The following GNA12 variants were observed in gnomAD, a reference collection of about 807,000 sequenced individuals.
GNA12 encodes G protein subunit alpha 12.
GNA12 carries 9 observed loss-of-function variants against 26.0 expected under a neutral mutation model. The observed-to-expected ratio is 0.35, with a 90% confidence interval of 0.21 to 0.60. The LOEUF (loss-of-function observed/expected upper bound fraction) is 0.60, where lower values mean the gene tolerates loss of function less well. GNA12 is among the 20% of genes least tolerant of loss of function. The pLI is 0.78. For missense variants in GNA12, 405 were observed against 525.8 expected, an observed-to-expected ratio of 0.77 and a Z score of 2.25; for synonymous variants, 264 against 219.6, an observed-to-expected ratio of 1.20 and a Z score of -1.79.
chr7:2,833,028 TCA>T (rs1421881803), intron 1 of GNA12, among the ~76,000 whole-genome samples: 4 of 152,212 alleles, frequency 2.6e-5, no homozygotes, highest in Admixed American at 1.3e-4. Flanking sequence ...GCATTTATCC[TCA>T]CAGAGAGAAA....
At chr7:2,788,256 C>T (rs749061054) in intron 2 of GNA12, among the ~76,000 whole-genome samples, 4 of 152,232 alleles carry the variant, frequency 2.6e-5, no homozygotes, top group East Asian at 1.9e-4. Context: ...GGCTGCTCAA[C>T]AGCTCCTCCC....
At chr7:2,806,664 T>C (rs189239639) in intron 1 of GNA12, among the ~76,000 whole-genome samples, 1 of 152,308 alleles carries the variant, frequency 6.6e-6, no homozygotes, top group East Asian at 1.9e-4. Context: ...GAACATTTTG[T>C]AACACTTTAA....
intron 1 of GNA12, among the ~76,000 whole-genome samples, chr7:2,818,735 C>T (rs1189683740): frequency 2.1e-5 from 3 of 142,746 alleles, no homozygotes; most frequent in East Asian, 2.0e-4. Flanking sequence ...TACACTCCAG[C>T]GTGGGTGACA....
chr7:2,793,621 A>G (rs140875216), intron 2 of GNA12, among the ~76,000 whole-genome samples: 2,947 of 152,162 alleles, frequency 0.019, 52 homozygotes, highest in Middle Eastern at 0.075. Flanking sequence ...GGTGGCTCAC[A>G]CCTGAAATCC....
chr7:2,736,254 C>T (rs1490433970), intron 2 of GNA12, among the ~76,000 whole-genome samples: 2 of 152,202 alleles, frequency 1.3e-5, no homozygotes, highest in East Asian at 1.9e-4. Flanking sequence ...CCAGAGTCCT[C>T]TCAACGGCTG....
At chr7:2,805,471 A>T (rs891059175) in intron 1 of GNA12, among the ~76,000 whole-genome samples, 2 of 152,168 alleles carry the variant, frequency 1.3e-5, no homozygotes, top group Non-Finnish European at 2.9e-5. Flanking sequence ...TGGCGCAATC[A>T]AAGCTCACTG....
intron 2 of GNA12, among the ~76,000 whole-genome samples, chr7:2,785,459 G>C (rs1031519388): frequency 8.5e-5 from 13 of 152,186 alleles, no homozygotes; most frequent in African/African-American, 3.1e-4. Context: ...AGTTAATTTA[G>C]CGTGAAAGGT....
intron 2 of GNA12, among the ~76,000 whole-genome samples, chr7:2,761,469 A>C (rs1791552338): frequency 6.6e-6 from 1 of 152,234 alleles, no homozygotes; most frequent in African/African-American, 2.4e-5. Flanking sequence ...CAAATAAAGA[A>C]GAAAACCAGA....
chr7:2,785,213 G>T (rs1048397664), intron 2 of GNA12, among the ~76,000 whole-genome samples: 1 of 152,194 alleles, frequency 6.6e-6, no homozygotes, highest in African/African-American at 2.4e-5. Context: ...CAGAGGAAAA[G>T]CAAGTGTCCC....
At position 2,768,676 on chromosome 7, in the gene GNA12, ACAAAAC is replaced by A. The variant is rs1263587631; in HGVS notation, c.525+26246_525+26251del. 2.7e-4 allele frequency among the ~76,000 whole-genome samples: 22 copies of A among 82,510 alleles called. 2 individuals carry two copies. Among genetic ancestry groups the A allele is most frequent in the African/African-American group, 6.7e-4 (20 of 29,678 alleles). 54.1% of individuals were successfully genotyped at this position (82,510 alleles called of 152,430 possible). A position where few individuals can be genotyped will look rare whatever the true frequency, so the allele number is the denominator to read the frequency against. Reference sequence around the variant, plus strand: ...AATATGCTCTCAAGGTAAAAAAAAAACAAAACAAAACAAAAAAAAAAACAGTAAACC... The same window carrying A: ...AATATGCTCTCAAGGTAAAAAAAAAAAAAACAAAAAAAAAAACAGTAAACC... On this transcript the variant is annotated intron_variant, in intron 2 of 3. Coordinates refer to ENST00000275364, the MANE Select transcript of GNA12 (RefSeq NM_007353.3).
intron 1 of GNA12, chr7:2,835,774 G>T: frequency 1.4e-6 from 1 of 740,254 alleles, no homozygotes. Flanking sequence ...AAACGTAGAA[G>T]ATGCTCGTGA....
rs992363540 is a variant in GNA12, at chr7:2,731,896, T to C, written c.577-146A>G. ...AGAAACCAAAAGCAAATTTCATTTA[T>C]AACATTATCAACTGGCCGTGAAACA... On this transcript the variant is annotated intron_variant, in intron 3 of 3. Coordinates refer to ENST00000275364, the MANE Select transcript of GNA12 (RefSeq NM_007353.3). This position sits in a 1 kb window ranked among gnomAD's most constrained non-coding sequence, Gnocchi z 6.0. 3 of 523,786 alleles carry C rather than the reference T, an allele frequency of 5.7e-6. No individual in the cohort carries two copies. Among genetic ancestry groups the C allele is most frequent in the Admixed American group, 3.3e-5 (1 of 29,984 alleles). 32.4% of individuals were successfully genotyped at this position (523,786 alleles called of 1,614,324 possible).
At chr7:2,812,151 G>C (rs1224036783) in intron 1 of GNA12, among the ~76,000 whole-genome samples, 2 of 152,250 alleles carry the variant, frequency 1.3e-5, no homozygotes, top group Non-Finnish European at 2.9e-5. Flanking sequence ...GTAAGTCCCT[G>C]TGTTACTAAT....
rs11389467 is a variant in GNA12, at chr7:2,737,289, GT to G, written c.526-3789del. Among the ~76,000 whole-genome samples, 8 of 62,274 alleles carry G rather than the reference GT, an allele frequency of 1.3e-4. No homozygotes were observed. In the Admixed American group the frequency reaches 1.3e-3, roughly 10 times the overall value. The allele number at this position is 62,274 out of a possible 152,430, so 40.9% of individuals were successfully genotyped here. A position where few individuals can be genotyped will look rare whatever the true frequency, so the allele number is the denominator to read the frequency against. On this transcript the variant is annotated intron_variant, in intron 2 of 3. Coordinates refer to ENST00000275364, the MANE Select transcript of GNA12 (RefSeq NM_007353.3). ...GTTTTGTTTTGTTTTTTTTTTTTTTGTTTTTTTTTTTTTTTTTGAGATGGAG... is the reference window on the plus strand; with the variant it reads ...GTTTTGTTTTGTTTTTTTTTTTTTTGTTTTTTTTTTTTTTTTGAGATGGAG...
At chr7:2,819,083 C>T (rs1793288884) in intron 1 of GNA12, among the ~76,000 whole-genome samples, 1 of 152,106 alleles carries the variant, frequency 6.6e-6, no homozygotes, top group Non-Finnish European at 1.5e-5. Flanking sequence ...GTCACCAGTC[C>T]TTACAAGCAG....
intron 2 of GNA12, among the ~76,000 whole-genome samples, chr7:2,737,977 G>A (rs1407885792): frequency 6.6e-6 from 1 of 152,170 alleles, no homozygotes; most frequent in Non-Finnish European, 1.5e-5. Context: ...ACATCTCACA[G>A]GGCTGGCGTG....
At chr7:2,788,048 G>T (rs1202371377) in intron 2 of GNA12, among the ~76,000 whole-genome samples, 1 of 152,072 alleles carries the variant, frequency 6.6e-6, no homozygotes, top group South Asian at 2.1e-4. Context: ...CCAGCTGCTC[G>T]TGGGAGGCTG....
At chr7:2,807,176 T>C (rs1792969868) in intron 1 of GNA12, among the ~76,000 whole-genome samples, 1 of 152,166 alleles carries the variant, frequency 6.6e-6, no homozygotes, top group African/African-American at 2.4e-5. Context: ...ATGAGGAAAA[T>C]TTAGTGTATG....
intron 1 of GNA12, among the ~76,000 whole-genome samples, chr7:2,819,472 A>G (rs1217686364): frequency 1.3e-5 from 2 of 152,238 alleles, no homozygotes; most frequent in Non-Finnish European, 2.9e-5. Context: ...ACAGAAAACC[A>G]AAACAGCTGT....
Sources: allele counts gnomAD v4.1 joint callset (sites outside exome capture counted in the v4.1 genomes callset), GRCh38; gene constraint gnomAD v4.1.1; non-coding constraint Gnocchi (gnomAD v3.1); transcripts MANE v1.5; gene names NCBI Gene and HGNC (gene_info 2026-07-23, HGNC 2026-07-21).